The following DSCAM variants were observed in gnomAD, a reference collection of about 807,000 sequenced individuals.
DSCAM encodes DS cell adhesion molecule.
DSCAM carries 47 observed loss-of-function variants against 217.7 expected under a neutral mutation model. The ratio of observed to expected loss-of-function variants is 0.22; its 90% confidence interval spans 0.17 to 0.28. DSCAM has a LOEUF of 0.28. DSCAM is among the 10% of genes least tolerant of loss of function. DSCAM has a pLI of 1.00. For missense variants in DSCAM, 2,080 were observed against 2,618.3 expected, an observed-to-expected ratio of 0.79 and a Z score of 4.49; for synonymous variants, 1,056 against 1,015.3, an observed-to-expected ratio of 1.04 and a Z score of -0.76.
intron 11 of DSCAM, among the ~76,000 whole-genome samples, chr21:40,266,670 T>TATATAA (rs201198571): frequency 1.2e-3 from 140 of 120,646 alleles, no homozygotes; most frequent in South Asian, 4.3e-3. Context: ...TATATATATA[T>TATATAA]AATCTTGAAA....
chr21:40,366,145 G>C (rs940181606), intron 4 of DSCAM, among the ~76,000 whole-genome samples: 2 of 152,010 alleles, frequency 1.3e-5, no homozygotes, highest in African/African-American at 4.8e-5. Context: ...CATTTTTCCA[G>C]GTAGGGTTGT....
intron 1 of DSCAM, among the ~76,000 whole-genome samples, chr21:40,842,788 G>A (rs1333552853): frequency 3.3e-5 from 5 of 152,080 alleles, no homozygotes; most frequent in South Asian, 2.1e-4. Context: ...TCTGCCCCCC[G>A]TGACTCACTG....
At chr21:40,217,670 T>C (rs2091255691) in intron 11 of DSCAM, among the ~76,000 whole-genome samples, 1 of 152,182 alleles carries the variant, frequency 6.6e-6, no homozygotes, top group South Asian at 2.1e-4. Flanking sequence ...ATGTGTTATT[T>C]TTATACTTTT....
intron 3 of DSCAM, among the ~76,000 whole-genome samples, chr21:40,412,296 G>C (rs2075330477): frequency 6.6e-6 from 1 of 152,212 alleles, no homozygotes; most frequent in African/African-American, 2.4e-5. Flanking sequence ...AAGTGACTTT[G>C]CAACTGGGTA....
At position 40,189,199 on chromosome 21, in the gene DSCAM, G is replaced by T; in HGVS notation, c.2396C>A (p.Ala799Asp). The T allele has an allele frequency of 6.2e-7, 1 of 1,611,912 alleles. No individual in the cohort carries two copies. The highest frequency in any genetic ancestry group is 8.5e-7 in the Non-Finnish European group (1 of 1,179,226). ...MITSYPNTTL[A>D]TQGQKKEMSC... is the part of the protein sequence containing the mutation. ...CATCTCCTTTTTCTGCCCCTGCGTG[G>T]CCAGGGTAGTATTTGGATAGGATGT... The change falls in exon 12 of 33, where the codon GCC becomes GAC. Residue 799 changes from alanine (A) to aspartate (D), a missense_variant. Around this residue, in one of 5 missense-constraint regions of DSCAM, gnomAD observed 1,144 missense variants for 1,421.1 expected, o/e 0.81. Transcript: ENST00000400454.
At position 40,284,105 on chromosome 21, in the gene DSCAM, T is replaced by C. The variant is rs1329943966; in HGVS notation, c.2183-7835A>G. Among the ~76,000 whole-genome samples, 3 of 152,062 alleles carry C rather than the reference T, an allele frequency of 2.0e-5. No homozygotes were observed. In the East Asian group the frequency reaches 5.8e-4, roughly 29 times the overall value. On this transcript the variant is annotated intron_variant, in intron 10 of 32. Transcript: ENST00000400454. ...TAGTTGGGGGATTGCAGGAAAGCAT[T>C]GGGTAAAAAGATAGAGGTTGCAATG...
intron 8 of DSCAM, among the ~76,000 whole-genome samples, chr21:40,331,078 A>C (rs766931305): frequency 4.6e-5 from 7 of 152,216 alleles, no homozygotes; most frequent in Non-Finnish European, 1.0e-4. Context: ...ACTAAAATGG[A>C]AAAATAAACT....
intron 11 of DSCAM, among the ~76,000 whole-genome samples, chr21:40,195,782 G>A (rs971625377): frequency 5.3e-5 from 8 of 152,110 alleles, no homozygotes; most frequent in Admixed American, 2.0e-4. Flanking sequence ...AGAAGGAGAT[G>A]CTCTGGGACA....
chr21:40,173,270 A>G (rs1348077213), intron 15 of DSCAM, among the ~76,000 whole-genome samples: 1 of 152,148 alleles, frequency 6.6e-6, no homozygotes, highest in African/African-American at 2.4e-5. Flanking sequence ...CAGTGGGTTG[A>G]ATTTTAATAG....
At position 40,247,781 on chromosome 21, in the gene DSCAM, T is replaced by C. The variant is rs142680696; in HGVS notation, c.2356+28316A>G. 9.7e-3 allele frequency among the ~76,000 whole-genome samples: 1,485 copies of C among 152,336 alleles called. 16 individuals carry two copies. Among genetic ancestry groups the C allele is most frequent in the Middle Eastern group, 0.02 (6 of 294 alleles). ...CTCTTCTCACAGTTCCACTAGGTGG[T>C]GCCCCAGTAGGGACTCTGTGTGGGG... On this transcript the variant is annotated intron_variant, in intron 11 of 32. Coordinates refer to ENST00000400454, the MANE Select transcript of DSCAM (RefSeq NM_001389.5).
At chr21:40,406,472 A>G (rs987622303) in intron 3 of DSCAM, among the ~76,000 whole-genome samples, 3 of 152,272 alleles carry the variant, frequency 2.0e-5, no homozygotes, top group Non-Finnish European at 2.9e-5. Flanking sequence ...TTAAAAAAGC[A>G]ATGAAATCGT....
intron 1 of DSCAM, among the ~76,000 whole-genome samples, chr21:40,831,761 C>T (rs2092013531): frequency 6.6e-6 from 1 of 152,180 alleles, no homozygotes; most frequent in African/African-American, 2.4e-5. Context: ...AATAGTTGCA[C>T]CTCTGAAGTG....
intron 27 of DSCAM, among the ~76,000 whole-genome samples, chr21:40,066,508 T>A (rs1475486091): frequency 6.6e-6 from 1 of 152,228 alleles, no homozygotes; most frequent in Non-Finnish European, 1.5e-5. Context: ...TTTTTTTATT[T>A]CTCTATAAAA....
At chr21:40,468,321 G>C (rs911712855) in intron 3 of DSCAM, among the ~76,000 whole-genome samples, 5 of 152,144 alleles carry the variant, frequency 3.3e-5, no homozygotes, top group Non-Finnish European at 7.4e-5. Context: ...ATTGAGACCT[G>C]TCTGAGATAC....
chr21:40,093,785 C>T lies in DSCAM; in HGVS notation c.3786G>A (p.Val1262=), dbSNP rs1426241278. 6.2e-7 allele frequency: 1 copy of T among 1,613,870 alleles called. No individual in the cohort carries two copies. The highest frequency in any genetic ancestry group is 1.3e-5 in the African/African-American group (1 of 74,870). Residue 1262 remains valine, a synonymous_variant, in exon 21 of 33, where the codon GTG becomes GTA. Transcript: ENST00000400454. ...SRNRQYSVWV[V]AVTSAGRGNS... is the part of the protein sequence containing the mutation. ...TGCCTCTTCCGGCTGAAGTAACAGC[C>T]ACCACCCAGACGCTGTACTGACGAT...
chr21:40,721,594 C>T (rs1057244037), intron 1 of DSCAM, among the ~76,000 whole-genome samples: 3 of 151,900 alleles, frequency 2.0e-5, no homozygotes, highest in Non-Finnish European at 2.9e-5. Flanking sequence ...TGTCAATGAA[C>T]CAGAAAACAG....
intron 3 of DSCAM, among the ~76,000 whole-genome samples, chr21:40,641,186 T>C (rs973940235): frequency 9.2e-5 from 14 of 152,138 alleles, no homozygotes; most frequent in African/African-American, 3.1e-4. Context: ...TCTAATGAGA[T>C]AAACAGAGCG....
At chr21:40,674,052 G>A (rs2090308467) in intron 3 of DSCAM, among the ~76,000 whole-genome samples, 1 of 152,186 alleles carries the variant, frequency 6.6e-6, no homozygotes, top group Admixed American at 6.5e-5. Flanking sequence ...CGTGCTGCAT[G>A]GAACTGGGTT....
At chr21:40,360,899 C>T (rs894111632) in intron 4 of DSCAM, among the ~76,000 whole-genome samples, 1 of 152,156 alleles carries the variant, frequency 6.6e-6, no homozygotes, top group Non-Finnish European at 1.5e-5. Context: ...AGTCTGCTTT[C>T]CACAATGGCA....
Sources: gnomAD v4.1 joint callset for allele counts (sites outside exome capture counted in the v4.1 genomes callset) on GRCh38, gnomAD v4.1.1 for gene constraint, gnomAD v4.1.1 regional missense constraint, MANE v1.5 for transcripts, NCBI Gene and HGNC (gene_info 2026-07-23, HGNC 2026-07-21) for gene names.